The following NDST4 variants were observed in gnomAD, a reference collection of about 807,000 sequenced individuals.
NDST4 encodes the protein N-heparan sulfate sulfotransferase 4.
NDST4 carries 63 observed loss-of-function variants against 100.8 expected under a neutral mutation model. That is an observed-to-expected ratio of 0.62 (90% CI 0.51 to 0.77). The LOEUF (loss-of-function observed/expected upper bound fraction) is 0.77. Among genes scored for constraint, NDST4 ranks in the 30% least tolerant of loss-of-function variants. NDST4 has a pLI of 0.00. For synonymous variants in NDST4, 377 were observed against 361.8 expected (o/e 1.04, Z -0.48); for missense variants, 943 against 1,018.4 (o/e 0.93, Z 1.01).
At chr4:114,914,518 A>G (rs924474319) in intron 6 of NDST4, among the ~76,000 whole-genome samples, 1 of 152,230 alleles carries the variant, frequency 6.6e-6, no homozygotes, top group African/African-American at 2.4e-5. Context: ...TAGAAAGAAG[A>G]TTTTGCTTTT....
In NDST4 at chr4:114,881,454, G is replaced by A. The variant is rs114927339; in HGVS notation, c.1537-10504C>T. On this transcript the variant is annotated intron_variant, in intron 6 of 13. Coordinates refer to ENST00000264363, the MANE Select transcript of NDST4 (RefSeq NM_022569.3). ...TCACCTAAATAGAGAACAATAAAGGGATGAATGAAACACAAGACTGAGAGG... is the reference window on the plus strand; with the variant it reads ...TCACCTAAATAGAGAACAATAAAGGAATGAATGAAACACAAGACTGAGAGG... Among the ~76,000 whole-genome samples, 407 of 152,136 alleles carry A rather than the reference G, an allele frequency of 2.7e-3. 1 individual carries two copies. Among genetic ancestry groups the A allele is most frequent in the African/African-American group, 9.3e-3 (386 of 41,500 alleles).
At chr4:115,051,171 C>T (rs1431154689) in intron 2 of NDST4, among the ~76,000 whole-genome samples, 2 of 151,958 alleles carry the variant, frequency 1.3e-5, no homozygotes, top group Admixed American at 1.3e-4. Context: ...GAACTATGAC[C>T]TGCCTTTATG....
Position 115,097,642 on chromosome 4 carries a change from G to T in NDST4, c.-247+15802C>A, listed in dbSNP as rs187572207. Among the ~76,000 whole-genome samples the T allele has an allele frequency of 3.3e-5, 5 of 152,172 alleles. No homozygotes were observed. In the East Asian group the frequency reaches 9.7e-4, roughly 29 times the overall value. Reference sequence around the variant, plus strand: ...CTAATTGATCTCTGCCTAAGCCCTTGCTCCACATCATTTTTTTCCCAATAC... The same window carrying T: ...CTAATTGATCTCTGCCTAAGCCCTTTCTCCACATCATTTTTTTCCCAATAC... On this transcript the variant is annotated intron_variant, in intron 1 of 13. Coordinates refer to ENST00000264363, the MANE Select transcript of NDST4 (RefSeq NM_022569.3).
intron 4 of NDST4, among the ~76,000 whole-genome samples, chr4:114,947,996 T>C (rs191311664): frequency 9.2e-5 from 14 of 152,226 alleles, no homozygotes; most frequent in Admixed American, 6.5e-4. Context: ...TTTATGATTA[T>C]GAACATATTT....
chr4:114,978,953 G>A (rs1317636288), intron 2 of NDST4, among the ~76,000 whole-genome samples: 1 of 152,072 alleles, frequency 6.6e-6, no homozygotes, highest in Non-Finnish European at 1.5e-5. Flanking sequence ...TTAGCTAAGT[G>A]TCTGGCAAGT....
Position 114,970,286 on chromosome 4 carries a change from A to G in NDST4, c.1221+144T>C, listed in dbSNP as rs553774260. On this transcript the variant is annotated intron_variant, in intron 4 of 13. Transcript: ENST00000264363. ...GCCTGAAACAAAATATCACAAAGTTATATGTACCCTCAATACATGTGATGC... is the reference window on the plus strand; with the variant it reads ...GCCTGAAACAAAATATCACAAAGTTGTATGTACCCTCAATACATGTGATGC... The G allele has an allele frequency of 5.5e-5, 35 of 631,628 alleles. No individual in the cohort carries two copies. In the South Asian group the frequency reaches 8.6e-4, roughly 16 times the overall value. 39.1% of individuals were successfully genotyped at this position (631,628 alleles called of 1,614,324 possible). A position where few individuals can be genotyped will look rare whatever the true frequency, so the allele number is the denominator to read the frequency against.
intron 1 of NDST4, among the ~76,000 whole-genome samples, chr4:115,112,793 T>A (rs181287418): frequency 6.6e-6 from 1 of 152,056 alleles, no homozygotes; most frequent in African/African-American, 2.4e-5. Context: ...AAGCTTTCTG[T>A]CCTCCTAGGA....
intron 6 of NDST4, among the ~76,000 whole-genome samples, chr4:114,925,906 A>T (rs1346051778): frequency 6.6e-6 from 1 of 152,162 alleles, no homozygotes; most frequent in Non-Finnish European, 1.5e-5. Context: ...CCTGTAGGAC[A>T]TATTAATTTC....
At chr4:114,963,249 A>G (rs1214337944) in intron 4 of NDST4, among the ~76,000 whole-genome samples, 1 of 152,182 alleles carries the variant, frequency 6.6e-6, no homozygotes, top group East Asian at 1.9e-4. Flanking sequence ...TTATTTGTCA[A>G]TAAAAAGGAA....
At chr4:114,950,483 A>G (rs972153143) in intron 4 of NDST4, among the ~76,000 whole-genome samples, 1 of 152,046 alleles carries the variant, frequency 6.6e-6, no homozygotes, top group Non-Finnish European at 1.5e-5. Context: ...AAATGTTGCC[A>G]GCAACATACT....
At chr4:114,873,207 C>G (rs1578357088) in intron 6 of NDST4, among the ~76,000 whole-genome samples, 1 of 151,562 alleles carries the variant, frequency 6.6e-6, no homozygotes, top group Middle Eastern at 3.5e-3. Context: ...GGAGTATATT[C>G]AAATCTTTTA....
intron 3 of NDST4, among the ~76,000 whole-genome samples, chr4:114,973,497 A>T (rs989315871): frequency 1.3e-5 from 2 of 151,944 alleles, no homozygotes; most frequent in African/African-American, 4.8e-5. Flanking sequence ...GGTCTAGATA[A>T]TTATTAATGA....
intron 2 of NDST4, among the ~76,000 whole-genome samples, chr4:115,057,731 CACAG>C (rs1401841616): frequency 3.7e-4 from 21 of 56,598 alleles, no homozygotes; most frequent in East Asian, 6.3e-4. Context: ...CACACACACA[CACAG>C]ACACACACAC....
At chr4:114,971,051 AAAC>A (rs1192815254) in intron 3 of NDST4, among the ~76,000 whole-genome samples, 5 of 151,988 alleles carry the variant, frequency 3.3e-5, no homozygotes, top group Non-Finnish European at 7.4e-5. Flanking sequence ...ACAAACACAA[AAAC>A]AACAACAAAA....
chr4:115,059,006 C>A (rs991730452), intron 2 of NDST4, among the ~76,000 whole-genome samples: 1 of 151,676 alleles, frequency 6.6e-6, no homozygotes, highest in Non-Finnish European at 1.5e-5. Flanking sequence ...CACACACACG[C>A]TCAAAATTAG....
At chr4:115,016,613 T>A (rs1727682108) in intron 2 of NDST4, among the ~76,000 whole-genome samples, 1 of 152,222 alleles carries the variant, frequency 6.6e-6, no homozygotes, top group South Asian at 2.1e-4. Flanking sequence ...AGTTACTATG[T>A]TGGCTGTGGT....
chr4:115,008,460 C>G (rs1727468589), intron 2 of NDST4, among the ~76,000 whole-genome samples: 1 of 128,750 alleles, frequency 7.8e-6, no homozygotes, highest in Non-Finnish European at 1.7e-5. Context: ...ACTTATGAAG[C>G]TTAGTTTGGC....
intron 2 of NDST4, among the ~76,000 whole-genome samples, chr4:114,995,194 T>C (rs1024180134): frequency 1.3e-5 from 2 of 151,988 alleles, no homozygotes; most frequent in Non-Finnish European, 2.9e-5. Flanking sequence ...AATGATATAA[T>C]GGGATGAAGC....
At chr4:115,053,612 C>T (rs1728631929) in intron 2 of NDST4, among the ~76,000 whole-genome samples, 1 of 152,022 alleles carries the variant, frequency 6.6e-6, no homozygotes, top group Admixed American at 6.6e-5. Flanking sequence ...CAAAACAATG[C>T]TCAAAGATAT....
Sources: allele counts gnomAD v4.1 joint callset (sites outside exome capture counted in the v4.1 genomes callset), GRCh38; gene constraint gnomAD v4.1.1; transcripts MANE v1.5; gene names NCBI Gene and HGNC (gene_info 2026-07-23, HGNC 2026-07-21).